Variants in EFCAB6 observed in about 807,000 individuals in gnomAD.
EFCAB6 encodes EF-hand calcium-binding domain-containing protein 6.
In EFCAB6, 156 loss-of-function variants were observed where a neutral mutation model predicts 169.8. The ratio of observed to expected loss-of-function variants is 0.92; its 90% CI spans 0.81 to 1.05. EFCAB6 has a LOEUF of 1.05. Ranked by LOEUF, EFCAB6 falls within the 50% of genes least tolerant of loss-of-function variation. The pLI, the probability that EFCAB6 is intolerant of heterozygous loss-of-function variation, is 0.00. For synonymous variants in EFCAB6, 698 were observed against 676.4 expected (o/e 1.03, Z -0.50); for missense variants, 1,800 against 1,829.1 (o/e 0.98, Z 0.29).
intron 13 of EFCAB6, among the ~76,000 whole-genome samples, chr22:43,674,289 C>A (rs1050075499): frequency 6.6e-6 from 1 of 152,114 alleles, no homozygotes; most frequent in Non-Finnish European, 1.5e-5. Flanking sequence ...TTCATTCATT[C>A]AATAGATTGT....
chr22:43,803,482 G>A (rs1282123261), intron 2 of EFCAB6, among the ~76,000 whole-genome samples: 1 of 152,164 alleles, frequency 6.6e-6, no homozygotes, highest in East Asian at 1.9e-4. Context: ...ATGTCCTGCT[G>A]AAATACCGTG....
At chr22:43,555,578 G>T (rs528565116) in intron 26 of EFCAB6, among the ~76,000 whole-genome samples, 1 of 152,208 alleles carries the variant, frequency 6.6e-6, no homozygotes, top group Non-Finnish European at 1.5e-5. Flanking sequence ...TGACTGCTGT[G>T]CCATTAGACT....
chr22:43,602,752 C>T (rs577364590), intron 22 of EFCAB6, among the ~76,000 whole-genome samples: 5 of 152,238 alleles, frequency 3.3e-5, no homozygotes, highest in Non-Finnish European at 7.4e-5. Context: ...TTGGAAACCT[C>T]TCTCTCCTCC....
chr22:43,630,211 C>A (rs1030530062), intron 19 of EFCAB6, among the ~76,000 whole-genome samples: 1 of 152,202 alleles, frequency 6.6e-6, no homozygotes, highest in Admixed American at 6.5e-5. Flanking sequence ...TTTGCGTATA[C>A]CTGCAAGGAC....
intron 12 of EFCAB6, 152 bp downstream of exon 12, chr22:43,683,595 C>T: frequency 1.6e-6 from 1 of 636,290 alleles, no homozygotes; most frequent in Non-Finnish European, 2.8e-6. Flanking sequence ...TCCCTAAGTG[C>T]TCAGAATAAT....
intron 17 of EFCAB6, among the ~76,000 whole-genome samples, chr22:43,637,149 A>G (rs1388648260): frequency 2.0e-5 from 3 of 151,938 alleles, no homozygotes; most frequent in Admixed American, 1.3e-4. Context: ...CCCTGAGCCC[A>G]CCTCCCACCT....
intron 20 of EFCAB6, among the ~76,000 whole-genome samples, chr22:43,617,172 T>C (rs1569254635): frequency 6.6e-6 from 1 of 152,240 alleles, no homozygotes. Context: ...TACTTGACCA[T>C]GCAAGCTTTG....
At chr22:43,544,473 G>A (rs529210856) in intron 27 of EFCAB6, among the ~76,000 whole-genome samples, 1 of 152,274 alleles carries the variant, frequency 6.6e-6, no homozygotes, top group East Asian at 1.9e-4. Context: ...CTGCAAGGTG[G>A]AAGGAAGGAA....
In EFCAB6 at chr22:43,572,754, C is replaced by T. The variant is rs2049970637; in HGVS notation, c.3420+3543G>A. The stretch of plus-strand genomic sequence containing the variant: ...TCTCCCAGCTGCTGCTGGAACCTGA[C>T]ATGTGACGGAGTCACTCACTCCTGC... On this transcript the variant is annotated intron_variant, in intron 26 of 31. Coordinates refer to ENST00000262726, the MANE Select transcript of EFCAB6 (RefSeq NM_022785.4). This position sits in a 1 kb window ranked among gnomAD's most constrained non-coding sequence, Gnocchi z 4.0. Among the ~76,000 whole-genome samples the T allele has an allele frequency of 6.6e-6, 1 of 152,234 alleles. No individual in the cohort carries two copies. The highest frequency in any genetic ancestry group is 2.1e-4 in the South Asian group (1 of 4,826).
rs536879634 is a variant in EFCAB6 at position 43,638,046 on chromosome 22, C to G, written c.1984-2830G>C. 5.3e-5 allele frequency among the ~76,000 whole-genome samples: 8 copies of G among 152,240 alleles called. No homozygotes were observed. In the East Asian group the frequency reaches 1.6e-3, roughly 30 times the overall value. Reference sequence around the variant, plus strand: ...GGCCCTCAGCAGCCTGTCCAGCGGTCGCAGGAGCGTAATCCCCAGGGGCAC... The same window carrying G: ...GGCCCTCAGCAGCCTGTCCAGCGGTGGCAGGAGCGTAATCCCCAGGGGCAC... On this transcript the variant is annotated intron_variant, in intron 17 of 31. Coordinates refer to ENST00000262726, the MANE Select transcript of EFCAB6 (RefSeq NM_022785.4).
At chr22:43,682,648 A>G (rs1281971120) in intron 12 of EFCAB6, among the ~76,000 whole-genome samples, 1 of 152,168 alleles carries the variant, frequency 6.6e-6, no homozygotes, top group African/African-American at 2.4e-5. Flanking sequence ...GGGTAGCCTC[A>G]GGCGGGTTAC....
At chr22:43,690,967 A>ATAT (rs551116612) in intron 10 of EFCAB6, among the ~76,000 whole-genome samples, 32 of 151,760 alleles carry the variant, frequency 2.1e-4, no homozygotes, top group Middle Eastern at 3.4e-3. Flanking sequence ...TATTATTTAA[A>ATAT]TATTATTATT....
rs372146664 is a variant in EFCAB6 at position 43,668,942 on chromosome 22, C to T, written c.1744G>A (p.Val582Ile). The change falls in exon 16 of 32, where the codon GTT becomes ATT. Residue 582 changes from valine to isoleucine, a missense_variant. Val to Ile is a conservative substitution (Grantham distance 29). Coordinates refer to ENST00000262726, the MANE Select transcript of EFCAB6 (RefSeq NM_022785.4). ...TCACTTAACAGCTGATCCTTTGGAA[C>T]AAGAACTGGAGAGACAGTGGGTGGG... Reference protein sequence around the residue: ...DGPPTVSPVLVPKDQLLSEHL... With the variant: ...DGPPTVSPVLIPKDQLLSEHL... 6.9e-5 allele frequency: 111 copies of T among 1,613,088 alleles called. No homozygotes were observed. The highest frequency in any genetic ancestry group is 8.6e-5 in the Non-Finnish European group (102 of 1,179,618).
At chr22:43,676,606 TTC>T (rs2057774140) in intron 13 of EFCAB6, among the ~76,000 whole-genome samples, 1 of 152,174 alleles carries the variant, frequency 6.6e-6, no homozygotes, top group Admixed American at 6.5e-5. Flanking sequence ...TACAATGAAT[TTC>T]TGTTACTTGT....
intron 4 of EFCAB6, among the ~76,000 whole-genome samples, chr22:43,769,856 ATTT>A (rs11394966): frequency 7.0e-6 from 1 of 143,620 alleles, no homozygotes. Flanking sequence ...AGGTGAGCTA[ATTT>A]TTTTTTTTTT....
chr22:43,626,855 T>C (rs944034799), intron 19 of EFCAB6, among the ~76,000 whole-genome samples, 176 bp from the exon 20 acceptor site: 2 of 152,164 alleles, frequency 1.3e-5, no homozygotes, highest in African/African-American at 4.8e-5. Flanking sequence ...GCTTTGCTTT[T>C]CCCAAGAAAT....
At chr22:43,699,438 G>C (rs761383653) in intron 10 of EFCAB6, among the ~76,000 whole-genome samples, 1 of 152,066 alleles carries the variant, frequency 6.6e-6, no homozygotes, top group Non-Finnish European at 1.5e-5. Flanking sequence ...CCCCCTGTTC[G>C]TATCCCTGAG....
rs2057298048 is a variant in EFCAB6 at position 43,667,117 on chromosome 22, T to C, written c.1970A>G (p.His657Arg). 3 of 1,613,862 alleles carry C rather than the reference T, an allele frequency of 1.9e-6. No homozygotes were observed. Among genetic ancestry groups the C allele is most frequent in the Middle Eastern group, 3.3e-4 (2 of 6,082 alleles). ...CCATTCTCCTACCTTCTTAAAGTCATGCACGTTAATTTTTCCATTAGGCTC... is the reference window on the plus strand; with the variant it reads ...CCATTCTCCTACCTTCTTAAAGTCACGCACGTTAATTTTTCCATTAGGCTC... ...SKEPNGKINV[H>R]DFKKVLEDTG... Residue 657 changes from histidine to arginine, a missense_variant, in exon 17 of 32, where the codon CAT (histidine) becomes CGT (arginine). By Grantham distance (29) the His-to-Arg change is conservative. Coordinates refer to ENST00000262726, the MANE Select transcript of EFCAB6 (RefSeq NM_022785.4).
At chr22:43,532,564 C>CAGA (rs1235162879) in intron 30 of EFCAB6, among the ~76,000 whole-genome samples, 2 of 150,516 alleles carry the variant, frequency 1.3e-5, no homozygotes, top group African/African-American at 4.9e-5. Flanking sequence ...ACTGAGCTGG[C>CAGA]AGAACTGTCT....
Sources: allele counts gnomAD v4.1 joint callset (sites outside exome capture counted in the v4.1 genomes callset), GRCh38; gene constraint gnomAD v4.1.1; non-coding constraint Gnocchi (gnomAD v3.1); transcripts MANE v1.5; gene names NCBI Gene and HGNC (gene_info 2026-07-23, HGNC 2026-07-21).